Variants in SRP54 observed in about 807,000 individuals in gnomAD.
SRP54 encodes the protein signal recognition particle subunit SRP54.
Under a neutral mutation model 64.8 loss-of-function variants are expected in SRP54, and 10 were observed. The ratio of observed to expected loss-of-function variants is 0.15; its 90% CI spans 0.10 to 0.26. The LOEUF (loss-of-function observed/expected upper bound fraction) is 0.26. SRP54 is among the 10% of genes least tolerant of loss of function. The pLI is 1.00. For missense variants in SRP54, 325 were observed against 613.7 expected, an observed-to-expected ratio of 0.53 and a Z score of 4.97; for synonymous variants, 193 against 185.6, an observed-to-expected ratio of 1.04 and a Z score of -0.32.
At chr14:34,998,276 T>C (rs751413123) in intron 2 of SRP54, among the ~76,000 whole-genome samples, 2 of 152,196 alleles carry the variant, frequency 1.3e-5, no homozygotes, top group Non-Finnish European at 2.9e-5. Context: ...TCATAGAGTT[T>C]ACATTCTAGT....
At chr14:35,003,022 A>C (rs937348051) in intron 4 of SRP54, among the ~76,000 whole-genome samples, 2 of 152,170 alleles carry the variant, frequency 1.3e-5, no homozygotes, top group Admixed American at 6.5e-5. Flanking sequence ...TTAGGATTAC[A>C]CATGTCAGCC....
intron 4 of SRP54, among the ~76,000 whole-genome samples, chr14:35,005,239 G>C (rs1384311704): frequency 6.6e-6 from 1 of 152,080 alleles, no homozygotes; most frequent in Non-Finnish European, 1.5e-5. Flanking sequence ...AGGCTGAGAT[G>C]GTAGGATCGC....
rs2043905240 is a variant in SRP54, at chr14:34,987,003, C to G, written c.-34+3788C>G. On this transcript the variant is annotated intron_variant, in intron 1 of 15. Transcript: ENST00000216774. ...GTCCCAACACTTTGGGAGGCCAAGG[C>G]AGGCAGATCACAAGGTCAGGAGATC... Among the ~76,000 whole-genome samples, 3 of 151,840 alleles carry G rather than the reference C, an allele frequency of 2.0e-5. No individual in the cohort carries two copies. In the South Asian group the frequency reaches 6.2e-4, roughly 31 times the overall value.
intron 2 of SRP54, among the ~76,000 whole-genome samples, chr14:34,997,509 A>G (rs2044089252): frequency 6.6e-6 from 1 of 152,202 alleles, no homozygotes; most frequent in Non-Finnish European, 1.5e-5. Context: ...TACGATGTAA[A>G]TTGGGGCAAC....
rs899290844 is a variant in SRP54, at chr14:35,028,187, A to G, written c.1423+4A>G. On this transcript the variant is annotated splice_donor_region_variant and intron_variant, in intron 15 of 15. Transcript: ENST00000216774. ...CCTAGGGTTCTTCATCACATGGGTA[A>G]ATACCAAGTTGTTGGCAGTTGCTAA... The G allele has an allele frequency of 3.1e-6, 5 of 1,592,238 alleles. No individual in the cohort carries two copies. The highest frequency in any genetic ancestry group is 3.4e-6 in the Non-Finnish European group (4 of 1,166,970).
At chr14:35,007,599 T>C (rs1488735097) in intron 5 of SRP54, among the ~76,000 whole-genome samples, 1 of 145,802 alleles carries the variant, frequency 6.9e-6, no homozygotes, top group Non-Finnish European at 1.5e-5. Flanking sequence ...TATAATAAAA[T>C]ATATTTACAT....
chr14:35,011,481 T>C, intron 7 of SRP54, 28 bp from the exon 8 acceptor site: 1 of 1,393,214 alleles, frequency 7.2e-7, no homozygotes, highest in African/African-American at 1.5e-5. Flanking sequence ...TTTGTCGTTT[T>C]GTTAAATCAT....
intron 1 of SRP54, among the ~76,000 whole-genome samples, chr14:34,985,895 C>T (rs903557452): frequency 6.6e-6 from 1 of 152,202 alleles, no homozygotes; most frequent in Non-Finnish European, 1.5e-5. Flanking sequence ...TGAAATAACG[C>T]ATTGCTTGAG....
intron 1 of SRP54, among the ~76,000 whole-genome samples, chr14:34,989,965 A>G (rs1029049474): frequency 6.6e-6 from 1 of 152,224 alleles, no homozygotes; most frequent in African/African-American, 2.4e-5. Flanking sequence ...AAAGTAACAC[A>G]GCCAGTATGT....
intron 15 of SRP54, among the ~76,000 whole-genome samples, chr14:35,028,490 A>C (rs1285126283): frequency 6.6e-6 from 1 of 152,136 alleles, no homozygotes; most frequent in Admixed American, 6.6e-5. Context: ...GAGGATTTTT[A>C]ACCTGAGTTC....
At chr14:34,987,275 GTA>G (rs369480971) in intron 1 of SRP54, among the ~76,000 whole-genome samples, 178 of 131,490 alleles carry the variant, frequency 1.4e-3, no homozygotes, top group African/African-American at 4.4e-3. Context: ...GTGTGTGTGT[GTA>G]TATATATATA....
intron 10 of SRP54, 106 bp downstream of exon 10, chr14:35,014,008 C>CT (rs2044397023): frequency 2.6e-6 from 2 of 761,958 alleles, no homozygotes; most frequent in East Asian, 5.4e-5. Flanking sequence ...CACATCATTT[C>CT]TTTCTGTGAC....
At chr14:34,999,790 T>C in intron 3 of SRP54, 141 bp downstream of exon 3, 1 of 583,978 alleles carries the variant, frequency 1.7e-6, no homozygotes, top group Non-Finnish European at 3.1e-6. Flanking sequence ...AGCTCATATG[T>C]TGGGCGAGAG....
At chr14:35,003,017 A>G (rs1254627975) in intron 4 of SRP54, among the ~76,000 whole-genome samples, 1 of 152,092 alleles carries the variant, frequency 6.6e-6, no homozygotes, top group African/African-American at 2.4e-5. Context: ...AAGTGTTAGG[A>G]TTACACATGT....
In SRP54 at chr14:35,028,118, C is replaced by T. The variant is rs1181892852; in HGVS notation, c.1358C>T (p.Ser453Leu). 6.2e-7 allele frequency: 1 copy of T among 1,612,704 alleles called. No individual in the cohort carries two copies. Among genetic ancestry groups the T allele is most frequent in the East Asian group, 2.2e-5 (1 of 44,812 alleles). ...GACATGTCTAAGAATGTGAGCCAGT[C>T]ACAGATGGCAAAATTGAACCAACAA... ...GGDMSKNVSQSQMAKLNQQMA... is the reference protein window; with the variant it reads ...GGDMSKNVSQLQMAKLNQQMA... Residue 453 changes from serine (S) to leucine (L), a missense_variant, in exon 15 of 16, where the codon TCA (serine) becomes TTA (leucine). Physicochemically the swap from Ser to Leu is moderately radical, Grantham distance 145. Around this residue, in one of 3 missense-constraint regions of SRP54, gnomAD observed 146 missense variants for 337.4 expected, o/e 0.43. Coordinates refer to ENST00000216774, the MANE Select transcript of SRP54 (RefSeq NM_003136.4).
intron 13 of SRP54, among the ~76,000 whole-genome samples, chr14:35,019,818 T>C (rs2044496506): frequency 6.6e-6 from 1 of 152,228 alleles, no homozygotes; most frequent in Non-Finnish European, 1.5e-5. Flanking sequence ...CAAATACATA[T>C]ACTGTAGTCT....
chr14:35,014,895 C>T (rs2044413795), intron 11 of SRP54, 65 bp downstream of exon 11: 2 of 1,215,298 alleles, frequency 1.6e-6, no homozygotes, highest in South Asian at 1.3e-5. Context: ...TATAAAGTTA[C>T]TATTAAGTTA....
chr14:34,985,070 C>T (rs868207121), intron 1 of SRP54, among the ~76,000 whole-genome samples: 1 of 152,136 alleles, frequency 6.6e-6, no homozygotes, highest in Non-Finnish European at 1.5e-5. Context: ...ATGGCTCACG[C>T]CTGTAATCCC....
At chr14:35,005,985 G>T (rs771927495) in intron 4 of SRP54, among the ~76,000 whole-genome samples, 2 of 152,006 alleles carry the variant, frequency 1.3e-5, no homozygotes, top group Non-Finnish European at 2.9e-5. Flanking sequence ...GACTACAGGC[G>T]CCTGCCACCA....
Sources: allele counts gnomAD v4.1 joint callset (sites outside exome capture counted in the v4.1 genomes callset), GRCh38; gene constraint gnomAD v4.1.1; regional missense constraint gnomAD v4.1.1; transcripts MANE v1.5; gene names NCBI Gene and HGNC (gene_info 2026-07-23, HGNC 2026-07-21).